PRKAR1B: variants seen among roughly 807,000 people sequenced by gnomAD.
PRKAR1B encodes cAMP-dependent protein kinase type I-beta regulatory subunit.
PRKAR1B carries 22 observed loss-of-function variants against 46.5 expected under a neutral mutation model. The observed-to-expected ratio is 0.47, with a 90% CI of 0.34 to 0.68. The LOEUF is 0.68. Among genes scored for constraint, PRKAR1B ranks in the 30% least tolerant of loss-of-function variants. The probability of loss-of-function intolerance (pLI) is 0.01; values close to 1 mark genes in which losing one functional copy is unlikely to be tolerated. For missense variants in PRKAR1B, 445 were observed against 535.6 expected (o/e 0.83, Z 1.67); for synonymous variants, 259 against 217.7 (o/e 1.19, Z -1.67).
chr7:695,687 G>A lies in PRKAR1B; in HGVS notation c.178-14961C>T, dbSNP rs187746190. Among the ~76,000 whole-genome samples the A allele has an allele frequency of 2.7e-3, 412 of 151,604 alleles. 7 individuals carry two copies. The highest frequency in any genetic ancestry group is 0.025 in the Admixed American group (387 of 15,244). The stretch of plus-strand genomic sequence containing the variant: ...TTGTTTTTTGTTTTTTTTTTGAGAC[G>A]GAGTCTCGCTCTGTCGCCCAGGCTG... On this transcript the variant is annotated intron_variant, in intron 2 of 10. Coordinates refer to ENST00000537384, the MANE Select transcript of PRKAR1B (RefSeq NM_001164760.2).
chr7:589,076 T>C (rs1583258369), intron 7 of PRKAR1B, among the ~76,000 whole-genome samples: 2 of 102,704 alleles, frequency 1.9e-5, no homozygotes, highest in Admixed American at 9.6e-5. Flanking sequence ...GGTAGTGGTT[T>C]TTACCGGGTA....
intron 5 of PRKAR1B, among the ~76,000 whole-genome samples, chr7:606,846 C>A (rs1282281563): frequency 6.7e-6 from 1 of 150,212 alleles, no homozygotes; most frequent in Non-Finnish European, 1.5e-5. Flanking sequence ...TTTATATTTA[C>A]TTAGTTTTAT....
At chr7:720,349 C>T (rs749192227) in intron 1 of PRKAR1B, among the ~76,000 whole-genome samples, 24 of 152,172 alleles carry the variant, frequency 1.6e-4, no homozygotes, top group South Asian at 8.3e-4. Context: ...TGAGCCACCG[C>T]GCCCAGCCCT....
intron 9 of PRKAR1B, among the ~76,000 whole-genome samples, chr7:563,934 T>C (rs1778978480): frequency 6.6e-6 from 1 of 152,112 alleles, no homozygotes; most frequent in South Asian, 2.1e-4. Context: ...TGCGTTGGTG[T>C]GCATGGGTGC....
At position 724,685 on chromosome 7, in the gene PRKAR1B, T is replaced by C. The variant is rs113451255; in HGVS notation, c.-23+2525A>G. Among the ~76,000 whole-genome samples the C allele has an allele frequency of 1.5e-3, 230 of 152,336 alleles. 1 individual carries two copies. Among genetic ancestry groups the C allele is most frequent in the African/African-American group, 5.3e-3 (220 of 41,580 alleles). On this transcript the variant is annotated intron_variant, in intron 1 of 10. Transcript: ENST00000537384. ...GAAGCCTTAAAAGTCTAGTTCAACA[T>C]CCCTTGACACTCATTCTCTCAGGAC...
At chr7:558,240 C>T (rs1338854442) in intron 9 of PRKAR1B, among the ~76,000 whole-genome samples, 1 of 146,496 alleles carries the variant, frequency 6.8e-6, no homozygotes, top group Non-Finnish European at 1.5e-5. Flanking sequence ...GTGCGAGGAT[C>T]GCTTGAGCCC....
intron 4 of PRKAR1B, among the ~76,000 whole-genome samples, chr7:655,725 T>G (rs186012724): frequency 9.5e-4 from 144 of 152,310 alleles, no homozygotes; most frequent in African/African-American, 3.3e-3. Context: ...TAAACATTTG[T>G]TGAATGAATG....
intron 2 of PRKAR1B, among the ~76,000 whole-genome samples, chr7:701,637 A>T (rs148471402): frequency 4.6e-5 from 7 of 152,352 alleles, no homozygotes; most frequent in African/African-American, 1.7e-4. Flanking sequence ...AGCCAGAGAA[A>T]AGAAACATAA....
chr7:563,521 C>A (rs1309028987), intron 9 of PRKAR1B, among the ~76,000 whole-genome samples: 2 of 152,266 alleles, frequency 1.3e-5, no homozygotes, highest in Non-Finnish European at 2.9e-5. Context: ...CCTCTGCAAC[C>A]TCTGCACGCT....
chr7:706,092 G>A (rs1046764196), intron 2 of PRKAR1B, among the ~76,000 whole-genome samples: 3 of 152,116 alleles, frequency 2.0e-5, no homozygotes, highest in East Asian at 1.9e-4. Context: ...TTGGGAAGCC[G>A]AGTGGGGAGG....
intron 6 of PRKAR1B, among the ~76,000 whole-genome samples, chr7:604,782 T>C (rs1781909107): frequency 6.6e-6 from 1 of 152,152 alleles, no homozygotes; most frequent in Non-Finnish European, 1.5e-5. Flanking sequence ...AAATAGCTCG[T>C]GCTGGGCAGC....
In PRKAR1B at chr7:558,312, C is replaced by T. The variant is rs560848569; in HGVS notation, c.892-6842G>A. Among the ~76,000 whole-genome samples, 16 of 103,678 alleles carry T rather than the reference C, an allele frequency of 1.5e-4. No homozygotes were observed. The South Asian group carries it at 5.1e-3, about 33-fold the overall frequency. 68.0% of individuals were successfully genotyped at this position (103,678 alleles called of 152,430 possible). ...CTGCACTCCAGCCTGGGTGACAGAG[C>T]GAGACCCTGTCTCAGGAAAAAAAAA... On this transcript the variant is annotated intron_variant, in intron 9 of 10. Transcript: ENST00000537384.
chr7:670,724 G>C (rs1460614369), intron 4 of PRKAR1B, among the ~76,000 whole-genome samples: 1 of 151,338 alleles, frequency 6.6e-6, no homozygotes, highest in South Asian at 2.1e-4. Context: ...CCAGCAGAGG[G>C]ACTCAGGACC....
In PRKAR1B at chr7:550,170, G is replaced by A. The variant is rs949436908; in HGVS notation, c.*260C>T. On this transcript the variant is annotated 3_prime_UTR_variant, in exon 11 of 11. Coordinates refer to ENST00000537384, the MANE Select transcript of PRKAR1B (RefSeq NM_001164760.2). ...CCAGGAGAAGCCCACAGAGGCAGCC[G>A]GGGAGGCGTGTGGGGAGGAAGCTGG... The A allele has an allele frequency of 1.0e-4, 49 of 469,606 alleles. No homozygotes were observed. The highest frequency in any genetic ancestry group is 4.3e-4 in the East Asian group (10 of 23,442). The allele number at this position is 469,606 out of a possible 1,614,324, so 29.1% of individuals were successfully genotyped here.
At chr7:669,133 T>G (rs888856151) in intron 4 of PRKAR1B, among the ~76,000 whole-genome samples, 6 of 152,146 alleles carry the variant, frequency 3.9e-5, no homozygotes, top group African/African-American at 1.4e-4. Flanking sequence ...GAGTGGAATA[T>G]TACTCGGCCC....
At chr7:576,154 T>G (rs1197805212) in intron 9 of PRKAR1B, among the ~76,000 whole-genome samples, 1 of 150,178 alleles carries the variant, frequency 6.7e-6, no homozygotes, top group African/African-American at 2.5e-5. Flanking sequence ...TCCTCTCCTC[T>G]GCAGACGGGC....
intron 1 of PRKAR1B, among the ~76,000 whole-genome samples, chr7:712,146 G>A (rs1466528647): frequency 1.3e-5 from 2 of 151,210 alleles, no homozygotes; most frequent in Non-Finnish European, 3.0e-5. Context: ...GCACCGCGGG[G>A]CGCAGGACCC....
At chr7:651,377 C>T (rs939280104) in intron 4 of PRKAR1B, among the ~76,000 whole-genome samples, 19 of 152,216 alleles carry the variant, frequency 1.2e-4, no homozygotes, top group Non-Finnish European at 2.6e-4. Context: ...GAAAGGACCC[C>T]GAAACACATG....
intron 7 of PRKAR1B, among the ~76,000 whole-genome samples, chr7:590,023 G>C (rs1273761302): frequency 2.6e-5 from 4 of 152,238 alleles, no homozygotes. Context: ...TCTGCTGCAG[G>C]GAGAGGGGGC....
Sources: allele counts gnomAD v4.1 joint callset (sites outside exome capture counted in the v4.1 genomes callset), GRCh38; gene constraint gnomAD v4.1.1; transcripts MANE v1.5; gene names NCBI Gene and HGNC (gene_info 2026-07-23, HGNC 2026-07-21).